The following WIF1 variants were observed in gnomAD, a reference collection of about 807,000 sequenced individuals.
The protein encoded by WIF1 is Wnt inhibitory factor 1.
In WIF1, 35 loss-of-function variants were observed where a neutral mutation model predicts 53.5. The ratio of observed to expected loss-of-function variants is 0.65; its 90% CI spans 0.50 to 0.87. The LOEUF (loss-of-function observed/expected upper bound fraction) is 0.87, where lower values mean the gene tolerates loss of function less well. Ranked by LOEUF, WIF1 falls within the 40% of genes least tolerant of loss-of-function variation. WIF1 has a pLI of 0.00. For missense variants in WIF1, 467 were observed against 476.8 expected (o/e 0.98, Z 0.19); for synonymous variants, 171 against 170.4 (o/e 1.00, Z -0.03).
chr12:65,083,036 G>T (rs1470637189), intron 2 of WIF1, among the ~76,000 whole-genome samples: 1 of 152,068 alleles, frequency 6.6e-6, no homozygotes, highest in Non-Finnish European at 1.5e-5. Context: ...ACACACAAAA[G>T]CTGTAAGGTT....
In WIF1 at chr12:65,068,864, C is replaced by G. The variant is rs1280668898; in HGVS notation, c.438G>C (p.Gly146=). The stretch of plus-strand genomic sequence containing the variant: ...TCACATCCACTTCAAATGCTGCCAC[C>G]CCATCCTGTTTTCCAAGACATGGGA... ...VGFPCLGKQD[G]VAAFEVDVIV... The change falls in exon 4 of 10, where the codon GGG becomes GGC. Residue 146 remains glycine (G), a synonymous_variant. Coordinates refer to ENST00000286574, the MANE Select transcript of WIF1 (RefSeq NM_007191.5). 2 of 1,613,434 alleles carry G rather than the reference C, an allele frequency of 1.2e-6. No homozygotes were observed. The highest frequency in any genetic ancestry group is 2.7e-5 in the African/African-American group (2 of 74,862).
intron 2 of WIF1, among the ~76,000 whole-genome samples, chr12:65,098,857 A>G (rs1883241781): frequency 6.6e-6 from 1 of 152,136 alleles, no homozygotes; most frequent in Non-Finnish European, 1.5e-5. Flanking sequence ...AGCCAGCTCT[A>G]TTGCTAACTC....
Position 65,121,143 on chromosome 12 carries a change from T to C in WIF1, c.49A>G (p.Ile17Val). Residue 17 changes from isoleucine to valine, a missense_variant, in exon 1 of 10, where the codon ATC becomes GTC. Transcript: ENST00000286574. ...FPAAALWLWS[I>V]LLCLLALRAE... The stretch of plus-strand genomic sequence containing the variant: ...CGCAGTGCCAGCAGGCACAGGAGGA[T>C]GCTCCAGAGCCAGAGCGCGGCGGCA... 1 of 1,550,658 alleles carries C rather than the reference T, an allele frequency of 6.4e-7. No individual in the cohort carries two copies. Among genetic ancestry groups the C allele is most frequent in the Non-Finnish European group, 8.7e-7 (1 of 1,146,858 alleles).
intron 7 of WIF1, among the ~76,000 whole-genome samples, chr12:65,061,780 G>A (rs950988532): frequency 7.9e-5 from 12 of 152,172 alleles, no homozygotes; most frequent in Admixed American, 7.2e-4. Flanking sequence ...ACAGATGTGT[G>A]GCACTTCACC....
At chr12:65,056,567 AC>A (rs1882532257) in intron 7 of WIF1, among the ~76,000 whole-genome samples, 1 of 151,488 alleles carries the variant, frequency 6.6e-6, no homozygotes, top group Admixed American at 6.6e-5. Context: ...TAACTGACTC[AC>A]AAATACTTGC....
At chr12:65,101,410 C>T (rs1446408743) in intron 2 of WIF1, among the ~76,000 whole-genome samples, 3 of 152,120 alleles carry the variant, frequency 2.0e-5, no homozygotes, top group Non-Finnish European at 4.4e-5. Context: ...GTTCTGTCTA[C>T]CAGCCTCAGA....
intron 2 of WIF1, among the ~76,000 whole-genome samples, chr12:65,112,404 T>TCTCACA (rs1555188370): frequency 1.1e-3 from 139 of 123,536 alleles, no homozygotes; most frequent in African/African-American, 3.5e-3. Flanking sequence ...CCTGCTCTAA[T>TCTCACA]CACACACACA....
At chr12:65,058,736 T>C (rs1882566892) in intron 7 of WIF1, among the ~76,000 whole-genome samples, 4 of 152,176 alleles carry the variant, frequency 2.6e-5, no homozygotes, top group Admixed American at 2.6e-4. Flanking sequence ...GCTTGAGAGA[T>C]GGCACATTTT....
chr12:65,069,030 A>G (rs1882732494), intron 3 of WIF1, 126 bp from the exon 4 acceptor site: 2 of 996,790 alleles, frequency 2.0e-6, no homozygotes, highest in Non-Finnish European at 2.9e-6. Flanking sequence ...ATTTCCTTGT[A>G]TCTCCACTGG....
intron 2 of WIF1, chr12:65,083,930 C>T (rs1244412225): frequency 6.8e-6 from 2 of 292,968 alleles, no homozygotes; most frequent in African/African-American, 4.6e-5. Flanking sequence ...CCTCAACCTC[C>T]TGGGCTCAAG....
intron 3 of WIF1, among the ~76,000 whole-genome samples, chr12:65,069,947 G>T (rs1363864129): frequency 2.0e-5 from 3 of 152,118 alleles, no homozygotes; most frequent in African/African-American, 4.8e-5. Flanking sequence ...ATTGCTAATG[G>T]GTATACATGT....
chr12:65,114,645 GT>G (rs1883482023), intron 2 of WIF1, among the ~76,000 whole-genome samples: 1 of 152,158 alleles, frequency 6.6e-6, no homozygotes, highest in Admixed American at 6.5e-5. Context: ...AACCTTACAT[GT>G]TGGAAAATGT....
intron 6 of WIF1, among the ~76,000 whole-genome samples, chr12:65,062,942 A>C (rs1005877227): frequency 2.0e-5 from 3 of 152,192 alleles, no homozygotes; most frequent in Non-Finnish European, 4.4e-5. Context: ...TTAGAGGATA[A>C]GAGAAGAGTA....
chr12:65,120,651 G>A, intron 1 of WIF1, 95 bp from the exon 2 acceptor site: 2 of 1,416,030 alleles, frequency 1.4e-6, no homozygotes, highest in African/African-American at 2.9e-5. Flanking sequence ...GAATTAGTGT[G>A]GGTCATTTCT....
At position 65,115,174 on chromosome 12, in the gene WIF1, TAA is replaced by T. The variant is rs35429732; in HGVS notation, c.288+5241_288+5242del. Among the ~76,000 whole-genome samples the T allele has an allele frequency of 5.8e-3, 617 of 106,746 alleles. 17 individuals carry two copies. In the East Asian group the frequency reaches 0.097, roughly 17 times the overall value. The allele number at this position is 106,746 out of a possible 152,430, so 70.0% of individuals were successfully genotyped here. On this transcript the variant is annotated intron_variant, in intron 2 of 9. Transcript: ENST00000286574. ...CTCGGCATAAATCCTTTGTCATTGC[TAA>T]AAAAAAAAAAAAAAAAAAAGGCAAC...
chr12:65,057,303 G>C (rs1238246895), intron 7 of WIF1, among the ~76,000 whole-genome samples: 1 of 152,074 alleles, frequency 6.6e-6, no homozygotes, highest in East Asian at 1.9e-4. Flanking sequence ...AATGATACTT[G>C]GTAATTTCTT....
Position 65,059,391 on chromosome 12 carries a change from T to A in WIF1, c.826+3090A>T, listed in dbSNP as rs192762146. Among the ~76,000 whole-genome samples the A allele has an allele frequency of 2.0e-5, 3 of 152,312 alleles. No individual in the cohort carries two copies. In the East Asian group the frequency reaches 5.8e-4, roughly 29 times the overall value. Reference sequence around the variant, plus strand: ...TTTTTTAACAGAGAATATTTTATATTGAGAACTTTAATAAGAAGAACCCAC... The same window carrying A: ...TTTTTTAACAGAGAATATTTTATATAGAGAACTTTAATAAGAAGAACCCAC... On this transcript the variant is annotated intron_variant, in intron 7 of 9. Transcript: ENST00000286574.
At chr12:65,053,228 T>C (rs147119264) in intron 9 of WIF1, among the ~76,000 whole-genome samples, 15 of 152,208 alleles carry the variant, frequency 9.9e-5, no homozygotes, top group African/African-American at 3.6e-4. Flanking sequence ...GCGGCACTGC[T>C]TATTAAATTG....
intron 7 of WIF1, among the ~76,000 whole-genome samples, chr12:65,060,205 C>T (rs1401840620): frequency 1.3e-5 from 2 of 152,138 alleles, no homozygotes; most frequent in Non-Finnish European, 2.9e-5. Flanking sequence ...GGTAAATATT[C>T]TGAAGAAATG....
Sources: allele counts gnomAD v4.1 joint callset (sites outside exome capture counted in the v4.1 genomes callset), GRCh38; gene constraint gnomAD v4.1.1; transcripts MANE v1.5; gene names NCBI Gene and HGNC (gene_info 2026-07-23, HGNC 2026-07-21).